Variants in ADGRD1 observed in about 807,000 individuals in gnomAD.
ADGRD1 encodes G-protein coupled receptor 133.
A neutral mutation model predicts 113.4 loss-of-function variants in ADGRD1; 77 were observed. The ratio of observed to expected loss-of-function variants is 0.68; its 90% confidence interval spans 0.57 to 0.82. The LOEUF (loss-of-function observed/expected upper bound fraction) is 0.82. Among genes scored for constraint, ADGRD1 ranks in the 40% least tolerant of loss-of-function variants. The pLI is 0.00. For synonymous variants in ADGRD1, 474 were observed against 475.0 expected, an observed-to-expected ratio of 1.00 and a Z score of 0.03; for missense variants, 1,036 against 1,139.1, an observed-to-expected ratio of 0.91 and a Z score of 1.30.
chr12:131,045,446 G>A (rs960175553), intron 13 of ADGRD1, among the ~76,000 whole-genome samples: 13 of 152,262 alleles, frequency 8.5e-5, no homozygotes, highest in Middle Eastern at 3.4e-3. Flanking sequence ...GAGGAGAAGA[G>A]CGGGGCAGCC....
intron 4 of ADGRD1, among the ~76,000 whole-genome samples, chr12:130,972,720 C>T (rs927922741): frequency 4.6e-5 from 7 of 152,006 alleles, no homozygotes; most frequent in South Asian, 4.2e-4. Flanking sequence ...TCGGGAAGGG[C>T]GGGGGCATAT....
chr12:130,964,444 G>T (rs1870773397), intron 2 of ADGRD1, among the ~76,000 whole-genome samples: 1 of 152,160 alleles, frequency 6.6e-6, no homozygotes, highest in African/African-American at 2.4e-5. Context: ...CCAGCATTTT[G>T]GGAGGCTGAG....
At chr12:131,112,474 G>A (rs892745751) in intron 18 of ADGRD1, among the ~76,000 whole-genome samples, 2 of 152,144 alleles carry the variant, frequency 1.3e-5, no homozygotes, top group African/African-American at 4.8e-5. Context: ...CTTCTGAGCT[G>A]TCTCTTCCCT....
At chr12:131,034,158 A>C (rs1406888436) in intron 13 of ADGRD1, among the ~76,000 whole-genome samples, 3 of 121,968 alleles carry the variant, frequency 2.5e-5, no homozygotes, top group Non-Finnish European at 5.5e-5. Flanking sequence ...TCTGCATTTC[A>C]AGTAAGATCT....
chr12:131,043,301 T>C (rs1882331147), intron 13 of ADGRD1, among the ~76,000 whole-genome samples: 1 of 151,996 alleles, frequency 6.6e-6, no homozygotes. Context: ...ATGAGGAAAC[T>C]GAGACTTGTG....
At chr12:131,059,413 T>C (rs568752650) in intron 13 of ADGRD1, among the ~76,000 whole-genome samples, 4 of 152,342 alleles carry the variant, frequency 2.6e-5, no homozygotes, top group East Asian at 3.9e-4. Flanking sequence ...ACTCTTGACC[T>C]TAAGTGATCT....
chr12:131,025,536 CCTT>C (rs1566040971), intron 13 of ADGRD1: 3 of 150,906 alleles, frequency 2.0e-5, no homozygotes, highest in Admixed American at 1.3e-4. Flanking sequence ...GGCTGAGATG[CCTT>C]CTTTTCTTTT....
chr12:131,075,208 C>T lies in ADGRD1; in HGVS notation c.1474-1593C>T, dbSNP rs373161244. Among the ~76,000 whole-genome samples, 8 of 152,268 alleles carry T rather than the reference C, an allele frequency of 5.3e-5. No homozygotes were observed. The highest frequency in any genetic ancestry group is 1.3e-4 in the Admixed American group (2 of 15,296). ...CTCCTTGTTAAAAAATTACATATAA[C>T]GCTGTCTGCTGGAGGCTTTGGCCCT... On this transcript the variant is annotated intron_variant, in intron 13 of 24. Transcript: ENST00000261654. The surrounding 1 kb of genome is among the most constrained non-coding windows in gnomAD (Gnocchi z 5.3).
intron 3 of ADGRD1, chr12:130,969,490 G>C: frequency 5.7e-6 from 1 of 174,718 alleles, no homozygotes; most frequent in Non-Finnish European, 1.2e-5. Context: ...ACTGTGAACT[G>C]CACATGTGAG....
chr12:130,988,784 A>T (rs1031783023), intron 6 of ADGRD1: 2 of 151,690 alleles, frequency 1.3e-5, no homozygotes, highest in African/African-American at 4.8e-5. Flanking sequence ...TCTTTCTCTT[A>T]TCACTTCCCA....
chr12:131,014,982 C>T (rs59121958), intron 13 of ADGRD1, among the ~76,000 whole-genome samples: 3,744 of 152,294 alleles, frequency 0.025, 148 homozygotes, highest in African/African-American at 0.084. Context: ...CTGTTCCCCA[C>T]GCCAGGTTCA....
intron 5 of ADGRD1, among the ~76,000 whole-genome samples, chr12:130,982,493 T>A (rs1873129029): frequency 6.6e-6 from 1 of 152,254 alleles, no homozygotes; most frequent in Admixed American, 6.5e-5. Context: ...CTGCCTCCTT[T>A]TTCTCTCACA....
intron 17 of ADGRD1, among the ~76,000 whole-genome samples, chr12:131,108,050 G>A (rs1004972861): frequency 3.9e-5 from 6 of 152,118 alleles, no homozygotes; most frequent in African/African-American, 1.2e-4. Flanking sequence ...CACTGTGCAG[G>A]GCCCAACTCT....
At chr12:131,049,489 T>C (rs1883168857) in intron 13 of ADGRD1, among the ~76,000 whole-genome samples, 1 of 152,236 alleles carries the variant, frequency 6.6e-6, no homozygotes, top group African/African-American at 2.4e-5. Flanking sequence ...CACAGAGTGT[T>C]GACTATGTCA....
chr12:131,006,049 T>C lies in ADGRD1; in HGVS notation c.1331+2T>C, dbSNP rs1221728539. ...CAACATCTGGCCCGCCCACACCAAG[T>C]GAGTCTCGGGGGTGCTCAGCTCAGG... On this transcript the variant is annotated splice_donor_variant, in intron 12 of 24. Coordinates refer to ENST00000261654, the MANE Select transcript of ADGRD1 (RefSeq NM_198827.5). LOFTEE classifies it high-confidence loss of function. 1.9e-6 allele frequency: 3 copies of C among 1,612,420 alleles called. No homozygotes were observed. Among genetic ancestry groups the C allele is most frequent in the Non-Finnish European group, 8.5e-7 (1 of 1,179,700 alleles).
chr12:130,957,456 A>G (rs1176421773), intron 2 of ADGRD1: 1 of 152,248 alleles, frequency 6.6e-6, no homozygotes, highest in Non-Finnish European at 1.5e-5. Flanking sequence ...GTCCACACAC[A>G]TCTTCACATA....
chr12:131,091,783 C>G (rs1886927324), intron 15 of ADGRD1: 1 of 152,232 alleles, frequency 6.6e-6, no homozygotes, highest in African/African-American at 2.4e-5. Flanking sequence ...CCTGTGGGCT[C>G]TGACCCAGGT....
intron 2 of ADGRD1, among the ~76,000 whole-genome samples, chr12:130,961,057 T>C (rs889439120): frequency 6.6e-6 from 1 of 152,226 alleles, no homozygotes; most frequent in Non-Finnish European, 1.5e-5. Flanking sequence ...GGGGCCGGCA[T>C]TCCTCTGTGT....
rs1869234018 is a variant in ADGRD1 at position 130,954,201 on chromosome 12, G to C, written c.-265G>C. The C allele has an allele frequency of 7.7e-6, 3 of 387,128 alleles. No individual in the cohort carries two copies. The allele number at this position is 387,128 out of a possible 1,614,324, so 24.0% of individuals were successfully genotyped here. A position where few individuals can be genotyped will look rare whatever the true frequency, so the allele number is the denominator to read the frequency against. ...TCCCAGGACTGCGAGTCGGGTTTGG[G>C]TTTCTCCTCCCTGCATTCCACAGCT... On this transcript the variant is annotated 5_prime_UTR_variant, in exon 1 of 25. Transcript: ENST00000261654. The surrounding 1 kb of genome is among the most constrained non-coding windows in gnomAD (Gnocchi z 4.7).
Sources: allele counts gnomAD v4.1 joint callset (sites outside exome capture counted in the v4.1 genomes callset), GRCh38; gene constraint gnomAD v4.1.1; non-coding constraint Gnocchi (gnomAD v3.1); transcripts MANE v1.5; gene names NCBI Gene and HGNC (gene_info 2026-07-23, HGNC 2026-07-21).